USP54: variants seen among roughly 807,000 people sequenced by gnomAD.
USP54 encodes the protein ubiquitin specific peptidase 54.
In USP54, 87 loss-of-function variants were observed where a neutral mutation model predicts 170.5. The ratio of observed to expected loss-of-function variants is 0.51; its 90% CI spans 0.43 to 0.61. The LOEUF (loss-of-function observed/expected upper bound fraction) is 0.61, where lower values mean the gene tolerates loss of function less well. Ranked by LOEUF, USP54 falls within the 20% of genes least tolerant of loss-of-function variation. The pLI is 0.00. For synonymous variants in USP54, 655 were observed against 742.8 expected (o/e 0.88, Z 1.92); for missense variants, 1,786 against 2,047.8 (o/e 0.87, Z 2.47).
Position 73,536,181 on chromosome 10 carries a change from C to T in USP54, c.1144+88G>A, listed in dbSNP as rs149498166. 247 of 1,523,430 alleles carry T rather than the reference C, an allele frequency of 1.6e-4. 1 individual carries two copies. In the African/African-American group the frequency reaches 1.9e-3, roughly 12 times the overall value. The allele number at this position is 1,523,430 out of a possible 1,614,324, so 94.4% of individuals were successfully genotyped here. A position where few individuals can be genotyped will look rare whatever the true frequency, so the allele number is the denominator to read the frequency against. ...GATCCTCTTTCTCCAAGCTAGGTTA[C>T]GAGCTAAGCACATAATTAACTATGA... is the stretch of plus-strand genomic sequence containing the variant. On this transcript the variant is annotated intron_variant, in intron 11 of 23. Coordinates refer to ENST00000687698, the MANE Select transcript of USP54 (RefSeq NM_001391956.1).
chr10:73,560,393 G>A (rs1025486981), intron 4 of USP54, among the ~76,000 whole-genome samples: 3 of 151,446 alleles, frequency 2.0e-5, no homozygotes, highest in Admixed American at 6.6e-5. Flanking sequence ...GGTGGCTCAC[G>A]CCTGTAATCC....
chr10:73,604,203 C>A (rs894592315), intron 1 of USP54, among the ~76,000 whole-genome samples: 2 of 151,668 alleles, frequency 1.3e-5, no homozygotes, highest in Admixed American at 6.6e-5. Flanking sequence ...GAGCCGAGAT[C>A]GCACCACTGA....
chr10:73,533,130 C>A (rs2064382589), intron 12 of USP54, among the ~76,000 whole-genome samples: 1 of 152,090 alleles, frequency 6.6e-6, no homozygotes, highest in African/African-American at 2.4e-5. Flanking sequence ...CACGGTGAAA[C>A]CCCGTCTCTA....
At chr10:73,522,318 AT>A (rs1165951197) in intron 17 of USP54, among the ~76,000 whole-genome samples, 2 of 152,146 alleles carry the variant, frequency 1.3e-5, no homozygotes, top group African/African-American at 2.4e-5. Flanking sequence ...GCGTAGAGCC[AT>A]TTTTTTTAAG....
At chr10:73,540,488 T>A (rs1378618894) in intron 9 of USP54, among the ~76,000 whole-genome samples, 1 of 151,984 alleles carries the variant, frequency 6.6e-6, no homozygotes, top group Admixed American at 6.6e-5. Context: ...GAGAATGGCA[T>A]GAACCCAGGA....
intron 9 of USP54, among the ~76,000 whole-genome samples, chr10:73,541,042 C>T (rs2066505257): frequency 6.6e-6 from 1 of 152,164 alleles, no homozygotes; most frequent in African/African-American, 2.4e-5. Context: ...GAACACCCTT[C>T]CCTACTTTAT....
At position 73,517,411 on chromosome 10, in the gene USP54, G is replaced by A; in HGVS notation, c.3015C>T (p.Asp1005=). 6.2e-7 allele frequency: 1 copy of A among 1,614,086 alleles called. No homozygotes were observed. The highest frequency in any genetic ancestry group is 8.5e-7 in the Non-Finnish European group (1 of 1,179,978). ...GAGGGAGCTTGCTGCAACTGCTGTT[G>A]TCACACCTAGAGCCTTGCAGCTTAC... ...PEGKLQGSRC[D]NSSCSKLPPQ... Residue 1005 remains aspartate, a synonymous_variant, in exon 20 of 24, where the codon GAC becomes GAT. Transcript: ENST00000687698.
intron 1 of USP54, among the ~76,000 whole-genome samples, chr10:73,624,159 CATATATATATATATAT>C (rs58238181): frequency 5.3e-4 from 37 of 69,864 alleles, no homozygotes; most frequent in South Asian, 5.2e-3. Context: ...TTTTAAAAGC[CATATATATATATATAT>C]ATATATATAT....
At position 73,556,139 on chromosome 10, in the gene USP54, T is replaced by C. The variant is rs563078894; in HGVS notation, c.241-10467A>G. On this transcript the variant is annotated intron_variant, in intron 4 of 23. Transcript: ENST00000687698. ...TTAGACATAAGGACATACTTCCTTA[T>C]GTGAGAGCTGTTTATTACCAGCTAA... Among the ~76,000 whole-genome samples the C allele has an allele frequency of 4.6e-5, 7 of 152,222 alleles. No individual in the cohort carries two copies. In the East Asian group the frequency reaches 1.4e-3, roughly 29 times the overall value.
intron 10 of USP54, among the ~76,000 whole-genome samples, chr10:73,538,975 A>C (rs558331263): frequency 3.7e-4 from 57 of 152,084 alleles, no homozygotes; most frequent in Non-Finnish European, 6.5e-4. Context: ...TTCAGTAGGC[A>C]GACAGACATA....
intron 4 of USP54, 101 bp downstream of exon 4, chr10:73,571,320 G>T: frequency 6.2e-6 from 6 of 966,120 alleles, no homozygotes; most frequent in Non-Finnish European, 9.6e-6. Flanking sequence ...AGATAATTCA[G>T]TAACAAATTC....
chr10:73,530,092 C>T, intron 14 of USP54, 51 bp downstream of exon 14: 2 of 1,542,540 alleles, frequency 1.3e-6, no homozygotes, highest in Non-Finnish European at 1.7e-6. Flanking sequence ...TTTAAAAAGA[C>T]ATAAATCAAC....
In USP54 at chr10:73,597,882, C is replaced by T. The variant is rs564468601; in HGVS notation, c.-17-22207G>A. Among the ~76,000 whole-genome samples, 6 of 152,170 alleles carry T rather than the reference C, an allele frequency of 3.9e-5. No homozygotes were observed. In the East Asian group the frequency reaches 9.6e-4, roughly 24 times the overall value. On this transcript the variant is annotated intron_variant, in intron 1 of 22. Transcript: ENST00000339859. Reference sequence around the variant, plus strand: ...GGTGGATCACCTGAGGTTAGGAGTTCAAGAGCAGCCTGGCCAACTTGGTGA... The same window carrying T: ...GGTGGATCACCTGAGGTTAGGAGTTTAAGAGCAGCCTGGCCAACTTGGTGA...
chr10:73,520,050 A>G, intron 18 of USP54, 58 bp from the exon 19 acceptor site: 1 of 1,532,952 alleles, frequency 6.5e-7, no homozygotes, highest in Non-Finnish European at 8.8e-7. Context: ...TAAAAATAAA[A>G]AGAATAAAAT....
intron 1 of USP54, among the ~76,000 whole-genome samples, chr10:73,619,111 G>T (rs954042131): frequency 1.3e-5 from 2 of 150,452 alleles, no homozygotes; most frequent in African/African-American, 5.0e-5. Flanking sequence ...TACTCGGGAG[G>T]CTGAAGCATG....
Position 73,542,883 on chromosome 10 carries a change from A to G in USP54, c.492T>C (p.Cys164=). ...AAGTGGCACCACAGCTAGTACATACACACTGGGCAAAAGAGAAAAAGGCAA... is the reference window on the plus strand; with the variant it reads ...AAGTGGCACCACAGCTAGTACATACGCACTGGGCAAAAGAGAAAAAGGCAA... ...QKFAMTLFEQ[C]VCTSCGATSD... is the part of the protein sequence containing the mutation. The change falls in exon 7 of 24, where the codon TGT becomes TGC. Residue 164 remains cysteine, a splice_region_variant and synonymous_variant. Transcript: ENST00000687698. 4 of 1,614,196 alleles carry G rather than the reference A, an allele frequency of 2.5e-6. No homozygotes were observed. The highest frequency in any genetic ancestry group is 1.3e-5 in the African/African-American group (1 of 75,046).
intron 1 of USP54, among the ~76,000 whole-genome samples, chr10:73,599,321 C>G (rs1011381686): frequency 3.9e-4 from 59 of 152,158 alleles, no homozygotes; most frequent in African/African-American, 1.4e-3. Context: ...ACCTCTTAAT[C>G]CTAAATAGAA....
intron 1 of USP54, among the ~76,000 whole-genome samples, chr10:73,599,652 C>T (rs181808166): frequency 3.0e-3 from 458 of 152,298 alleles, no homozygotes; most frequent in Admixed American, 6.0e-3. Flanking sequence ...CTCTTACCAT[C>T]TTAGGCTACA....
chr10:73,564,177 T>C (rs1476899305), intron 4 of USP54, among the ~76,000 whole-genome samples: 2 of 152,108 alleles, frequency 1.3e-5, no homozygotes, highest in African/African-American at 4.8e-5. Context: ...AATTTTTGAC[T>C]TGTTGTAGAG....
Sources: allele counts gnomAD v4.1 joint callset (sites outside exome capture counted in the v4.1 genomes callset), GRCh38; gene constraint gnomAD v4.1.1; transcripts MANE v1.5; gene names NCBI Gene and HGNC (gene_info 2026-07-23, HGNC 2026-07-21).